Variants in TTC39A observed in about 807,000 individuals in gnomAD.
TTC39A encodes tetratricopeptide repeat protein 39A.
In TTC39A, 46 loss-of-function variants were observed where a neutral mutation model predicts 82.3. The observed-to-expected ratio is 0.56, with a 90% CI of 0.44 to 0.71. The LOEUF is 0.71. Ranked by LOEUF, TTC39A falls within the 30% of genes least tolerant of loss-of-function variation. The pLI is 0.00. For synonymous variants in TTC39A, 254 were observed against 275.2 expected (o/e 0.92, Z 0.76); for missense variants, 543 against 712.9 (o/e 0.76, Z 2.71).
chr1:51,289,693 TCTGTCACATTGCCCTCC>T (rs1333251305), intron 16 of TTC39A, among the ~76,000 whole-genome samples: 1 of 152,230 alleles, frequency 6.6e-6, no homozygotes, highest in African/African-American at 2.4e-5. Flanking sequence ...CAGCTTGCCA[TCTGTCACATTGCCCTCC>T]CTGAGGGCAA....
intron 1 of TTC39A, among the ~76,000 whole-genome samples, chr1:51,328,714 C>G (rs1645802687): frequency 6.6e-6 from 1 of 152,140 alleles, no homozygotes; most frequent in South Asian, 2.1e-4. Context: ...ATGTTAATAT[C>G]TGACAAAGTT....
chr1:51,291,628 C>CA (rs58825279), intron 14 of TTC39A, among the ~76,000 whole-genome samples: 6,040 of 49,918 alleles, frequency 0.12, 665 homozygotes, highest in South Asian at 0.21. Flanking sequence ...CCATCTCCAC[C>CA]AAAAAAAAAA....
intron 1 of TTC39A, among the ~76,000 whole-genome samples, chr1:51,339,530 T>A (rs1646010895): frequency 6.6e-6 from 1 of 152,200 alleles, no homozygotes; most frequent in Non-Finnish European, 1.5e-5. Context: ...CAGAAGTGGA[T>A]GTTCTACAGG....
chr1:51,341,815 C>T (rs1435552046), intron 1 of TTC39A, among the ~76,000 whole-genome samples: 1 of 152,190 alleles, frequency 6.6e-6, no homozygotes, highest in East Asian at 1.9e-4. Context: ...TCAGCACTGG[C>T]CTCAAGTCCA....
intron 1 of TTC39A, among the ~76,000 whole-genome samples, chr1:51,337,351 A>G (rs1411537754): frequency 6.6e-6 from 1 of 150,388 alleles, no homozygotes; most frequent in Non-Finnish European, 1.5e-5. Context: ...CACACGATTC[A>G]CTACTTCACC....
At chr1:51,314,335 C>T (rs938307101) in intron 2 of TTC39A, among the ~76,000 whole-genome samples, 17 of 152,174 alleles carry the variant, frequency 1.1e-4, no homozygotes, top group Non-Finnish European at 2.5e-4. Flanking sequence ...CGGGTCCCTG[C>T]GAGACTGTGG....
chr1:51,294,418 G>T lies in TTC39A; in HGVS notation c.1239C>A (p.Asn413Lys). Residue 413 changes from asparagine (N) to lysine (K), a missense_variant, in exon 14 of 18, where the codon AAC becomes AAA. Physicochemically the swap from Asn to Lys is moderately conservative, Grantham distance 94 (BLOSUM62 0). Coordinates refer to ENST00000680483, the MANE Select transcript of TTC39A (RefSeq NM_001297663.2). This position sits in a 1 kb window ranked among gnomAD's most constrained non-coding sequence, Gnocchi z 4.3. ...IRKSRRYFSS[N>K]PISLPVPALE... Reference sequence around the variant, plus strand: ...GAGCAGGCACTGGCAGCGAGATAGGGTTGGAGGAGAAGTAGCGCCGGGACT... The same window carrying T: ...GAGCAGGCACTGGCAGCGAGATAGGTTTGGAGGAGAAGTAGCGCCGGGACT... 1 of 1,614,052 alleles carries T rather than the reference G, an allele frequency of 6.2e-7. No individual in the cohort carries two copies.
intron 7 of TTC39A, chr1:51,305,394 C>A: frequency 2.3e-6 from 1 of 430,308 alleles, no homozygotes. Context: ...GTTCCTGAGG[C>A]TAAATCTTCC....
In TTC39A at chr1:51,301,697, G is replaced by C. The variant is rs1388567653; in HGVS notation, c.928C>G (p.Gln310Glu). 8 of 1,612,536 alleles carry C rather than the reference G, an allele frequency of 5.0e-6. No homozygotes were observed. In the Admixed American group the frequency reaches 1.3e-4, roughly 27 times the overall value. Residue 310 changes from glutamine to glutamate, a missense_variant, in exon 12 of 18, where the codon CAG becomes GAG. Coordinates refer to ENST00000680483, the MANE Select transcript of TTC39A (RefSeq NM_001297663.2). ...ATGTGGTGGAACTGCTTCCAGTGCT[G>C]CTGGGCCTCACAGCACTCCTCGAAA... ...RRFEECCEAQ[Q>E]HWKQFHHMCY... is the part of the protein sequence containing the mutation.
rs776364890 is a variant in TTC39A, at chr1:51,312,949, A to G, written c.147-6T>C. ...GGTACATGCTTTCCTTGGTTCTGCC[A>G]AAGAGAAGAGACGTTGAGAGCACCA... On this transcript the variant is annotated splice_polypyrimidine_tract_variant and splice_region_variant and intron_variant, in intron 2 of 17. Coordinates refer to ENST00000680483, the MANE Select transcript of TTC39A (RefSeq NM_001297663.2). The G allele has an allele frequency of 6.2e-7, 1 of 1,612,998 alleles. No individual in the cohort carries two copies. The highest frequency in any genetic ancestry group is 8.5e-7 in the Non-Finnish European group (1 of 1,179,318).
At chr1:51,326,848 C>T (rs1021649049) in intron 1 of TTC39A, among the ~76,000 whole-genome samples, 17 of 152,292 alleles carry the variant, frequency 1.1e-4, no homozygotes, top group African/African-American at 3.6e-4. Flanking sequence ...TCTATTCCTG[C>T]GGTGATGGTG....
rs72906169 is a variant in TTC39A at position 51,321,192 on chromosome 1, G to T, written c.146+529C>A. On this transcript the variant is annotated intron_variant, in intron 2 of 17. Transcript: ENST00000680483. This position sits in a 1 kb window ranked among gnomAD's most constrained non-coding sequence, Gnocchi z 4.6. ...CCCAGCCCAATAAATGTTTTAAAGTGATAAGAAAGGGTGAGTTTTACGGTA... is the reference window on the plus strand; with the variant it reads ...CCCAGCCCAATAAATGTTTTAAAGTTATAAGAAAGGGTGAGTTTTACGGTA... Among the ~76,000 whole-genome samples the T allele has an allele frequency of 3.4e-3, 516 of 152,298 alleles. 3 individuals carry two copies. Among genetic ancestry groups the T allele is most frequent in the African/African-American group, 0.012 (496 of 41,550 alleles).
At chr1:51,334,195 C>CATAAAAA (rs1553181739), upstream of TTC39A, among the ~76,000 whole-genome samples, 1 of 38,064 alleles carries the variant, frequency 2.6e-5, no homozygotes. Context: ...CCTGTCTCTA[C>CATAAAAA]AAAAAAAAAA....
Position 51,321,613 on chromosome 1 carries a change from C to T in TTC39A, c.146+108G>A, listed in dbSNP as rs1158900576. 1.9e-6 allele frequency: 2 copies of T among 1,044,356 alleles called. No homozygotes were observed. The highest frequency in any genetic ancestry group is 1.6e-5 in the African/African-American group (1 of 63,110). The allele number at this position is 1,044,356 out of a possible 1,614,324, so 64.7% of individuals were successfully genotyped here. A position where few individuals can be genotyped will look rare whatever the true frequency, so the allele number is the denominator to read the frequency against. On this transcript the variant is annotated intron_variant, in intron 2 of 17. Coordinates refer to ENST00000680483, the MANE Select transcript of TTC39A (RefSeq NM_001297663.2). This position sits in a 1 kb window ranked among gnomAD's most constrained non-coding sequence, Gnocchi z 4.6. ...GGGACTTCTCAGAGGTCCTGGTGAC[C>T]CAGAAAGCCAAAGGCATTTAGTTAC...
intron 1 of TTC39A, among the ~76,000 whole-genome samples, chr1:51,337,717 G>A (rs1335867698): frequency 2.0e-5 from 3 of 152,028 alleles, no homozygotes; most frequent in South Asian, 2.1e-4. Flanking sequence ...GTGAGCCACC[G>A]TGCCCAGCCC....
rs1477441713 is a variant in TTC39A at position 51,321,281 on chromosome 1, G to A, written c.146+440C>T. On this transcript the variant is annotated intron_variant, in intron 2 of 17. Transcript: ENST00000680483. The surrounding 1 kb of genome is among the most constrained non-coding windows in gnomAD (Gnocchi z 4.6). ...GATAAGTAAAGAAAAAGGAGTATAC[G>A]CCCATTATTGATTTGTATTTACAGA... 1.3e-5 allele frequency among the ~76,000 whole-genome samples: 2 copies of A among 152,172 alleles called. No individual in the cohort carries two copies. Among genetic ancestry groups the A allele is most frequent in the African/African-American group, 2.4e-5 (1 of 41,444 alleles).
At chr1:51,325,018 G>A (rs1455769942) in intron 1 of TTC39A, among the ~76,000 whole-genome samples, 1 of 151,498 alleles carries the variant, frequency 6.6e-6, no homozygotes, top group Non-Finnish European at 1.5e-5. Flanking sequence ...ATTTTTGGAG[G>A]CTGAGGCGGG....
Position 51,294,653 on chromosome 1 carries a change from G to GC in TTC39A, c.1146-143dup. 3.9e-6 allele frequency: 5 copies of GC among 1,290,770 alleles called. 1 individual carries two copies. The South Asian group carries it at 7.3e-5, about 19-fold the overall frequency. 80.0% of individuals were successfully genotyped at this position (1,290,770 alleles called of 1,614,324 possible). The stretch of plus-strand genomic sequence containing the variant: ...CAATGACAGTGTTAGACTCTAAAGA[G>GC]CCTTCTAGGTCTGAAATAGCCTGCG... On this transcript the variant is annotated intron_variant, in intron 13 of 17. Coordinates refer to ENST00000680483, the MANE Select transcript of TTC39A (RefSeq NM_001297663.2). The surrounding 1 kb of genome is among the most constrained non-coding windows in gnomAD (Gnocchi z 4.3).
Position 51,309,322 on chromosome 1 carries a change from C to G in TTC39A, c.427G>C (p.Glu143Gln). Residue 143 changes from glutamate to glutamine, a missense_variant, in exon 6 of 18, where the codon GAG (glutamate) becomes CAG (glutamine). Transcript: ENST00000680483. ...QRAALTFLQD[E>Q]NMVSFIKGGI... is the part of the protein sequence containing the mutation. ...CCTTTGATGAAGCTCACCATGTTCT[C>G]GTCCTGCAGGAGGAAAAGATGCTGA... 1 of 1,612,944 alleles carries G rather than the reference C, an allele frequency of 6.2e-7. No homozygotes were observed. Among genetic ancestry groups the G allele is most frequent in the Non-Finnish European group, 8.5e-7 (1 of 1,179,542 alleles).
Sources: allele counts gnomAD v4.1 joint callset (sites outside exome capture counted in the v4.1 genomes callset), GRCh38; gene constraint gnomAD v4.1.1; non-coding constraint Gnocchi (gnomAD v3.1); transcripts MANE v1.5; gene names NCBI Gene and HGNC (gene_info 2026-07-23, HGNC 2026-07-21).